Variants in CARS2 observed in about 807,000 individuals in gnomAD.
CARS2 encodes cysteinyl-tRNA synthetase 2, mitochondrial.
Under a neutral mutation model 68.8 loss-of-function variants are expected in CARS2, and 52 were observed. The observed-to-expected ratio is 0.76, with a 90% CI of 0.61 to 0.95. The LOEUF is 0.95. Among genes scored for constraint, CARS2 ranks in the 40% least tolerant of loss-of-function variants. The probability of loss-of-function intolerance (pLI) is 0.00; values close to 1 mark genes in which losing one functional copy is unlikely to be tolerated. For synonymous variants in CARS2, 314 were observed against 303.6 expected (o/e 1.03, Z -0.36); for missense variants, 780 against 754.2 (o/e 1.03, Z -0.40).
chr13:110,647,019 CT>C, intron 11 of CARS2, 81 bp downstream of exon 11: 2 of 1,453,192 alleles, frequency 1.4e-6, no homozygotes, highest in Admixed American at 4.7e-5. Context: ...CTGGGGGCCC[CT>C]CTTCCCCTTC....
chr13:110,644,220 A>G (rs1887786578), intron 13 of CARS2, 165 bp downstream of exon 13: 1 of 1,434,660 alleles, frequency 7.0e-7, no homozygotes, highest in Non-Finnish European at 9.4e-7. Flanking sequence ...ATTAATAAGT[A>G]TTGGCTCTGA....
At chr13:110,649,576 T>C (rs1433212283) in intron 10 of CARS2, among the ~76,000 whole-genome samples, 3 of 152,220 alleles carry the variant, frequency 2.0e-5, no homozygotes, top group Non-Finnish European at 2.9e-5. Flanking sequence ...ATAAACTATG[T>C]TTCGGCTGCA....
intron 12 of CARS2, 175 bp from the exon 13 acceptor site, chr13:110,644,658 C>T: frequency 9.0e-7 from 1 of 1,105,766 alleles, no homozygotes; most frequent in Non-Finnish European, 1.2e-6. Context: ...GCAGACCATA[C>T]AACTATAGGT....
chr13:110,702,287 C>G (rs2063809589), intron 2 of CARS2, among the ~76,000 whole-genome samples: 1 of 152,178 alleles, frequency 6.6e-6, no homozygotes. Context: ...CACACACCCC[C>G]TCCCTCTCCA....
intron 6 of CARS2, among the ~76,000 whole-genome samples, chr13:110,680,165 G>A (rs1259357078): frequency 1.7e-5 from 1 of 58,118 alleles, no homozygotes; most frequent in Non-Finnish European, 3.6e-5. Flanking sequence ...GGGGGGGGGG[G>A]TGGATCACCT....
chr13:110,670,389 C>G lies in CARS2; in HGVS notation c.786-2916G>C, dbSNP rs1387385496. On this transcript the variant is annotated intron_variant, in intron 7 of 14. Coordinates refer to ENST00000257347, the MANE Select transcript of CARS2 (RefSeq NM_024537.4). The surrounding 1 kb of genome is among the most constrained non-coding windows in gnomAD (Gnocchi z 4.1). ...AGGAAGGATCATGCAGCAACATTTG[C>G]CGTTCTGCAATATTTGCTGTTCTGC... 1.3e-5 allele frequency among the ~76,000 whole-genome samples: 2 copies of G among 152,158 alleles called. No homozygotes were observed. The highest frequency in any genetic ancestry group is 2.9e-5 in the Non-Finnish European group (2 of 68,030).
At chr13:110,641,856 CCCCT>C (rs1439634392) in intron 14 of CARS2, among the ~76,000 whole-genome samples, 2 of 152,194 alleles carry the variant, frequency 1.3e-5, no homozygotes, top group Admixed American at 6.5e-5. Flanking sequence ...GCCAACTTGG[CCCCT>C]CCCTCACGGC....
chr13:110,651,197 T>G, intron 9 of CARS2, 97 bp from the exon 10 acceptor site: 60 of 771,724 alleles, frequency 7.8e-5, no homozygotes, highest in Non-Finnish European at 1.0e-4. Context: ...AAGTTATCTC[T>G]ACCTATCAAG....
intron 7 of CARS2, among the ~76,000 whole-genome samples, chr13:110,673,296 C>T (rs880000114): frequency 8.5e-5 from 13 of 152,124 alleles, no homozygotes; most frequent in Admixed American, 3.3e-4. Context: ...TGATGAACAT[C>T]GATGCAAAAA....
chr13:110,655,864 G>A (rs1398650933), intron 9 of CARS2, among the ~76,000 whole-genome samples: 1 of 152,182 alleles, frequency 6.6e-6, no homozygotes, highest in Non-Finnish European at 1.5e-5. Flanking sequence ...CGTGTGTAAC[G>A]GAACACAGGA....
chr13:110,693,733 T>C (rs191236286), intron 3 of CARS2, among the ~76,000 whole-genome samples: 110 of 152,122 alleles, frequency 7.2e-4, no homozygotes, highest in Non-Finnish European at 1.3e-3. Flanking sequence ...CATACCGGGG[T>C]AGTGCTGCTT....
chr13:110,651,141 T>C (rs1157971914), intron 9 of CARS2, 41 bp from the exon 10 acceptor site: 1 of 1,390,238 alleles, frequency 7.2e-7, no homozygotes, highest in East Asian at 2.3e-5. Context: ...GCTTTGCTTT[T>C]ACGCTTCGCA....
At chr13:110,663,332 G>C in intron 9 of CARS2, 119 bp downstream of exon 9, 1 of 1,011,678 alleles carries the variant, frequency 9.9e-7, no homozygotes, top group African/African-American at 1.6e-5. Flanking sequence ...CTCGTCATAA[G>C]AAAGGGGCCA....
Position 110,660,291 on chromosome 13 carries a change from T to C in CARS2, c.987+3160A>G, listed in dbSNP as rs528604693. Among the ~76,000 whole-genome samples the C allele has an allele frequency of 2.0e-5, 3 of 152,312 alleles. No individual in the cohort carries two copies. The South Asian group carries it at 6.2e-4, about 32-fold the overall frequency. The stretch of plus-strand genomic sequence containing the variant: ...GTCCTGAACCCCTCAAAGTCAACCA[T>C]GAGAGTTGGACTTAACTTCTTTCAA... On this transcript the variant is annotated intron_variant, in intron 9 of 14. Transcript: ENST00000257347.
rs1390574520 is a variant in CARS2 at position 110,705,341 on chromosome 13, TG to T, written c.275+179del. On this transcript the variant is annotated intron_variant, in intron 2 of 14. Coordinates refer to ENST00000257347, the MANE Select transcript of CARS2 (RefSeq NM_024537.4). The surrounding 1 kb of genome is among the most constrained non-coding windows in gnomAD (Gnocchi z 4.0). ...TGAGTTTCCTCACCTGTAAAACGGG[TG>T]TAAGTGCTCAGAATCCCTATAAGAA... is the stretch of plus-strand genomic sequence containing the variant. Among the ~76,000 whole-genome samples, 1 of 152,132 alleles carries T rather than the reference TG, an allele frequency of 6.6e-6. No individual in the cohort carries two copies. Among genetic ancestry groups the T allele is most frequent in the African/African-American group, 2.4e-5 (1 of 41,422 alleles).
At chr13:110,695,535 T>C (rs1233079059) in intron 3 of CARS2, among the ~76,000 whole-genome samples, 1 of 151,568 alleles carries the variant, frequency 6.6e-6, no homozygotes, top group Non-Finnish European at 1.5e-5. Flanking sequence ...GCAAGGAGAG[T>C]GTACATGCAA....
intron 6 of CARS2, among the ~76,000 whole-genome samples, chr13:110,681,785 A>G (rs956097399): frequency 3.3e-5 from 5 of 152,204 alleles, no homozygotes; most frequent in Admixed American, 3.3e-4. Context: ...CACGGAGGAA[A>G]ATTACTGTGT....
At position 110,665,832 on chromosome 13, in the gene CARS2, A is replaced by G; in HGVS notation, c.919+1508T>C. The G allele has an allele frequency of 1.0e-6, 1 of 985,388 alleles. No individual in the cohort carries two copies. 61.0% of individuals were successfully genotyped at this position (985,388 alleles called of 1,614,324 possible). On this transcript the variant is annotated intron_variant, in intron 8 of 14. Coordinates refer to ENST00000257347, the MANE Select transcript of CARS2 (RefSeq NM_024537.4). This position sits in a 1 kb window ranked among gnomAD's most constrained non-coding sequence, Gnocchi z 4.3. ...CTGCTGCGGACCAGAAAACCGGAGC[A>G]CTTCTGCATTTAATGTCACCTTACT...
intron 6 of CARS2, among the ~76,000 whole-genome samples, chr13:110,680,759 G>A (rs991296533): frequency 1.3e-5 from 2 of 152,242 alleles, no homozygotes; most frequent in African/African-American, 4.8e-5. Context: ...GAAGAAGCCA[G>A]GGGAGGAACA....
Sources: gnomAD v4.1 joint callset for allele counts (sites outside exome capture counted in the v4.1 genomes callset) on GRCh38, gnomAD v4.1.1 for gene constraint, Gnocchi (gnomAD v3.1) non-coding constraint, MANE v1.5 for transcripts, NCBI Gene and HGNC (gene_info 2026-07-23, HGNC 2026-07-21) for gene names.